Variants in ANO2 observed in about 807,000 individuals in gnomAD.
ANO2 encodes anoctamin 2, also known as anoctamin-2.
ANO2 carries 101 observed loss-of-function variants against 124.2 expected under a neutral mutation model. The observed-to-expected ratio is 0.81, with a 90% CI of 0.69 to 0.96. The LOEUF (loss-of-function observed/expected upper bound fraction) is 0.96, where lower values mean the gene tolerates loss of function less well. ANO2 is among the 40% of genes least tolerant of loss of function. The probability of loss-of-function intolerance (pLI) is 0.00; values close to 1 mark genes in which losing one functional copy is unlikely to be tolerated. For missense variants in ANO2, 1,293 were observed against 1,274.5 expected, an observed-to-expected ratio of 1.01 and a Z score of -0.22; for synonymous variants, 486 against 482.5, an observed-to-expected ratio of 1.01 and a Z score of -0.09.
intron 1 of ANO2, among the ~76,000 whole-genome samples, chr12:5,943,957 G>C (rs1429931557): frequency 6.6e-6 from 1 of 152,214 alleles, no homozygotes; most frequent in Non-Finnish European, 1.5e-5. Context: ...AACTTGAGGT[G>C]TGTGTTTGGA....
In ANO2 at chr12:5,904,543, T is replaced by C. The variant is rs1940543111; in HGVS notation, c.534+16497A>G. Among the ~76,000 whole-genome samples, 1 of 152,176 alleles carries C rather than the reference T, an allele frequency of 6.6e-6. No homozygotes were observed. Among genetic ancestry groups the C allele is most frequent in the African/African-American group, 2.4e-5 (1 of 41,454 alleles). ...TGAGCGGCGCACACACCTGTGGGTT[T>C]ATCCCAGTACTGCTTCCGGGGGCAG... On this transcript the variant is annotated intron_variant, in intron 3 of 24. Coordinates refer to ENST00000682330, the MANE Select transcript of ANO2 (RefSeq NM_001364791.2). The surrounding 1 kb of genome is among the most constrained non-coding windows in gnomAD (Gnocchi z 4.1).
chr12:5,599,433 A>T (rs749218485), intron 20 of ANO2, 51 bp downstream of exon 20: 45 of 1,555,836 alleles, frequency 2.9e-5, no homozygotes, highest in Non-Finnish European at 3.6e-5. Context: ...AACCCCACAG[A>T]CCCCTTGTCT....
intron 19 of ANO2, among the ~76,000 whole-genome samples, chr12:5,606,713 T>C (rs1210665971): frequency 2.0e-5 from 3 of 152,174 alleles, no homozygotes; most frequent in East Asian, 1.9e-4. Flanking sequence ...GCCTGCTAGA[T>C]TGTAAGATTC....
chr12:5,639,426 A>G (rs1946216911), intron 15 of ANO2, among the ~76,000 whole-genome samples: 1 of 152,222 alleles, frequency 6.6e-6, no homozygotes, highest in Non-Finnish European at 1.5e-5. Context: ...ACCCTCACAG[A>G]GTGGATCTTC....
intron 11 of ANO2, among the ~76,000 whole-genome samples, chr12:5,748,299 G>A (rs1006446357): frequency 2.6e-5 from 4 of 152,172 alleles, no homozygotes; most frequent in African/African-American, 7.2e-5. Context: ...GCACTGGCAC[G>A]GTATGGGGTT....
intron 15 of ANO2, among the ~76,000 whole-genome samples, chr12:5,644,721 T>G (rs548252007): frequency 1.3e-5 from 2 of 152,358 alleles, no homozygotes; most frequent in African/African-American, 4.8e-5. Context: ...CAAGGTACAT[T>G]CTTAGAATTT....
chr12:5,585,970 A>G (rs977619350), intron 20 of ANO2, among the ~76,000 whole-genome samples: 4 of 152,228 alleles, frequency 2.6e-5, no homozygotes, highest in African/African-American at 7.2e-5. Flanking sequence ...AACTCGGGGA[A>G]CCACAATGCA....
chr12:5,695,755 C>T (rs748169895), intron 14 of ANO2, among the ~76,000 whole-genome samples: 2 of 152,134 alleles, frequency 1.3e-5, no homozygotes, highest in African/African-American at 4.8e-5. Flanking sequence ...GTAGGAGCAT[C>T]GCTTGAACCT....
chr12:5,855,996 A>G (rs571438323), intron 3 of ANO2, among the ~76,000 whole-genome samples: 1 of 152,230 alleles, frequency 6.6e-6, no homozygotes, highest in Non-Finnish European at 1.5e-5. Flanking sequence ...GCCTTCAGCA[A>G]GAAATCTCCC....
In ANO2 at chr12:5,640,860, G is replaced by A. The variant is rs558498577; in HGVS notation, c.1621-5513C>T. Among the ~76,000 whole-genome samples the A allele has an allele frequency of 9.9e-5, 15 of 152,284 alleles. No individual in the cohort carries two copies. In the East Asian group the frequency reaches 2.7e-3, roughly 27 times the overall value. On this transcript the variant is annotated intron_variant, in intron 15 of 24. Transcript: ENST00000682330. The stretch of plus-strand genomic sequence containing the variant: ...AACTAGAAATACCATTTGACCTAGT[G>A]ATCCCACTACTGGGTACATACCCAA...
chr12:5,923,252 A>ACGCACACACACC (rs1941907090), intron 1 of ANO2, among the ~76,000 whole-genome samples: 1 of 74,680 alleles, frequency 1.3e-5, no homozygotes, highest in Non-Finnish European at 2.7e-5. Context: ...ACGCATACAC[A>ACGCACACACACC]CACATACACA....
chr12:5,796,519 AT>A (rs1952863739), intron 10 of ANO2, among the ~76,000 whole-genome samples: 2 of 151,638 alleles, frequency 1.3e-5, no homozygotes, highest in African/African-American at 4.8e-5. Flanking sequence ...ACACGAACAC[AT>A]TCTCACACTC....
At chr12:5,656,917 T>C (rs530849782) in intron 14 of ANO2, among the ~76,000 whole-genome samples, 1 of 152,370 alleles carries the variant, frequency 6.6e-6, no homozygotes, top group Admixed American at 6.5e-5. Flanking sequence ...ACACTTTGTC[T>C]GCCTTGATTT....
At chr12:5,828,328 C>A (rs1284159621) in intron 6 of ANO2, among the ~76,000 whole-genome samples, 1 of 152,146 alleles carries the variant, frequency 6.6e-6, no homozygotes, top group African/African-American at 2.4e-5. Context: ...AAGCTCCGAA[C>A]GTGGAGGTAG....
chr12:5,629,935 TA>T lies in ANO2; in HGVS notation c.1816+5216del, dbSNP rs1453983030. ...TTGCATCTACGCTCCTGAGTATTGT[TA>T]TGGCAGCCAGGAGGACAATCACTGT... On this transcript the variant is annotated intron_variant, in intron 16 of 24. Coordinates refer to ENST00000682330, the MANE Select transcript of ANO2 (RefSeq NM_001364791.2). Among the ~76,000 whole-genome samples the T allele has an allele frequency of 3.9e-5, 6 of 152,334 alleles. 1 individual carries two copies. In the South Asian group the frequency reaches 1.0e-3, roughly 26 times the overall value.
intron 7 of ANO2, among the ~76,000 whole-genome samples, chr12:5,813,939 A>C (rs1055598821): frequency 6.6e-6 from 1 of 152,202 alleles, no homozygotes; most frequent in African/African-American, 2.4e-5. Context: ...CAACTTGTTC[A>C]TCCCAGAGCT....
Position 5,570,325 on chromosome 12 carries a change from A to G in ANO2, c.2622-4662T>C, listed in dbSNP as rs551514505. Among the ~76,000 whole-genome samples, 5 of 152,272 alleles carry G rather than the reference A, an allele frequency of 3.3e-5. No homozygotes were observed. The South Asian group carries it at 1.0e-3, about 32-fold the overall frequency. ...AACATTCACCCGTAAGTATCACCCT[A>G]TTACTGTTGGAAGGATGCCTGGGGT... is the stretch of plus-strand genomic sequence containing the variant. On this transcript the variant is annotated intron_variant, in intron 23 of 24. Transcript: ENST00000682330.
Position 5,900,271 on chromosome 12 carries a change from G to C in ANO2, c.534+20769C>G, listed in dbSNP as rs539852003. On this transcript the variant is annotated intron_variant, in intron 3 of 24. Coordinates refer to ENST00000682330, the MANE Select transcript of ANO2 (RefSeq NM_001364791.2). This position sits in a 1 kb window ranked among gnomAD's most constrained non-coding sequence, Gnocchi z 4.2. ...TTCTAGCTCTGGCTCAAGGTAAAGAGTGAGGAAAAATGCAGGCAGGCTGAG... is the reference window on the plus strand; with the variant it reads ...TTCTAGCTCTGGCTCAAGGTAAAGACTGAGGAAAAATGCAGGCAGGCTGAG... Among the ~76,000 whole-genome samples, 1 of 152,296 alleles carries C rather than the reference G, an allele frequency of 6.6e-6. No individual in the cohort carries two copies. The highest frequency in any genetic ancestry group is 2.4e-5 in the African/African-American group (1 of 41,550).
chr12:5,578,664 C>G lies in ANO2; in HGVS notation c.2234-146G>C, dbSNP rs1276027899. 6 of 800,240 alleles carry G rather than the reference C, an allele frequency of 7.5e-6. No individual in the cohort carries two copies. The East Asian group carries it at 1.1e-4, about 15-fold the overall frequency. 49.6% of individuals were successfully genotyped at this position (800,240 alleles called of 1,614,324 possible). The stretch of plus-strand genomic sequence containing the variant: ...TTTAGTCTCCCTTTTCCTCCTGTGT[C>G]ACATACACGGTATTTCTTTCTAAGT... On this transcript the variant is annotated intron_variant, in intron 20 of 24. Coordinates refer to ENST00000682330, the MANE Select transcript of ANO2 (RefSeq NM_001364791.2).
Sources: gnomAD v4.1 joint callset for allele counts (sites outside exome capture counted in the v4.1 genomes callset) on GRCh38, gnomAD v4.1.1 for gene constraint, Gnocchi (gnomAD v3.1) non-coding constraint, MANE v1.5 for transcripts, NCBI Gene and HGNC (gene_info 2026-07-23, HGNC 2026-07-21) for gene names.